ABCB10: variants seen among roughly 807,000 people sequenced by gnomAD.
ABCB10 encodes the protein ATP-binding cassette sub-family B member 10, mitochondrial.
ABCB10 carries 54 observed loss-of-function variants against 65.4 expected under a neutral mutation model. The observed-to-expected ratio is 0.83, with a 90% CI of 0.66 to 1.04. The LOEUF (loss-of-function observed/expected upper bound fraction) is 1.04. Ranked by LOEUF, ABCB10 falls within the 50% of genes least tolerant of loss-of-function variation. The pLI is 0.00. For synonymous variants in ABCB10, 418 were observed against 406.5 expected, an observed-to-expected ratio of 1.03 and a Z score of -0.34; for missense variants, 846 against 976.6, an observed-to-expected ratio of 0.87 and a Z score of 1.78.
At chr1:229,547,791 G>A in intron 2 of ABCB10, 90 bp from the exon 3 acceptor site, 1 of 1,312,166 alleles carries the variant, frequency 7.6e-7, no homozygotes, top group East Asian at 2.3e-5. Context: ...AGCTTGGCCT[G>A]GAGTTGTAAC....
At chr1:229,546,207 T>A (rs903999428) in intron 3 of ABCB10, among the ~76,000 whole-genome samples, 12 of 151,692 alleles carry the variant, frequency 7.9e-5, no homozygotes, top group Non-Finnish European at 1.3e-4. Context: ...GATGATCCAC[T>A]TCCACTTAAT....
rs1412540310 is a variant in ABCB10 at position 229,540,625 on chromosome 1, C to T, written c.1184G>A (p.Arg395Gln). The T allele has an allele frequency of 1.2e-5, 19 of 1,611,246 alleles. No individual in the cohort carries two copies. The highest frequency in any genetic ancestry group is 4.4e-4 in the Middle Eastern group (2 of 4,500). The change falls in exon 5 of 13, where the codon CGG becomes CAG. Residue 395 changes from arginine to glutamine, a missense_variant. Physicochemically the swap from Arg to Gln is conservative, Grantham distance 43 (BLOSUM62 1). Coordinates refer to ENST00000344517, the MANE Select transcript of ABCB10 (RefSeq NM_012089.3). ...MQLARKEAFA[R>Q]AGFFGATGLS... ...ACTTACTGCTCCAAAGAAACCAGCC[C>T]GGGCGAATGCCTCTTTCCTTGCTAA... is the stretch of plus-strand genomic sequence containing the variant.
Position 229,531,008 on chromosome 1 carries a change from G to A in ABCB10, c.1436-600C>T, listed in dbSNP as rs144800365. ...AGGCCTATCACATTGGAGAATATTG[G>A]GCTTTCATTTATGGACCTGGGGCTA... On this transcript the variant is annotated intron_variant, in intron 7 of 12. Transcript: ENST00000344517. Among the ~76,000 whole-genome samples the A allele has an allele frequency of 3.2e-4, 49 of 152,198 alleles. No homozygotes were observed. The East Asian group carries it at 9.3e-3, about 29-fold the overall frequency.
chr1:229,550,810 G>A (rs1305331387), intron 1 of ABCB10, among the ~76,000 whole-genome samples: 1 of 151,562 alleles, frequency 6.6e-6, no homozygotes, highest in African/African-American at 2.4e-5. Flanking sequence ...GTTGCAGTGA[G>A]CCAAGATTGT....
At chr1:229,527,517 T>C (rs1209622865) in intron 8 of ABCB10, among the ~76,000 whole-genome samples, 1 of 152,232 alleles carries the variant, frequency 6.6e-6, no homozygotes, top group Non-Finnish European at 1.5e-5. Context: ...TGTCTCCCGA[T>C]AGTAGCTGGA....
At chr1:229,556,659 C>T (rs1374347373) in intron 1 of ABCB10, among the ~76,000 whole-genome samples, 1 of 152,074 alleles carries the variant, frequency 6.6e-6, no homozygotes, top group East Asian at 1.9e-4. Flanking sequence ...ACGTGTAGGC[C>T]ACCAAAGCCT....
intron 1 of ABCB10, among the ~76,000 whole-genome samples, chr1:229,555,747 G>T (rs1038560183): frequency 2.0e-5 from 3 of 152,074 alleles, no homozygotes; most frequent in Admixed American, 1.3e-4. Context: ...ACACGCAATT[G>T]CTCTTTACCT....
chr1:229,526,025 ACT>A lies in ABCB10; in HGVS notation c.1815_1816del (p.Arg605SerfsTer3). 6.2e-7 allele frequency: 1 copy of A among 1,614,220 alleles called. No individual in the cohort carries two copies. Among genetic ancestry groups the A allele is most frequent in the Non-Finnish European group, 8.5e-7 (1 of 1,180,036 alleles). On this transcript the variant is annotated frameshift_variant, in exon 10 of 13. Transcript: ENST00000344517. LOFTEE classifies it high-confidence loss of function. The stretch of plus-strand genomic sequence containing the variant: ...GGCCACTGCATTGGCCACTTCAGCC[ACT>A]CTCTGGATTTCCTCAGCGGTCACAG...
In ABCB10 at chr1:229,555,533, A is replaced by C. The variant is rs12067825; in HGVS notation, c.517+2603T>G. 9.1e-3 allele frequency among the ~76,000 whole-genome samples: 1,380 copies of C among 152,356 alleles called. 22 individuals carry two copies. Among genetic ancestry groups the C allele is most frequent in the African/African-American group, 0.031 (1,302 of 41,570 alleles). On this transcript the variant is annotated intron_variant, in intron 1 of 12. Transcript: ENST00000344517. ...TATTTCATGGTAGACTGTGTTTTTA[A>C]AGTTTCTGATGCAATCAAAGTTTTC...
chr1:229,552,294 G>C (rs1436495213), intron 1 of ABCB10, among the ~76,000 whole-genome samples: 9 of 152,238 alleles, frequency 5.9e-5, no homozygotes, highest in Admixed American at 3.9e-4. Flanking sequence ...CTTTAGACTT[G>C]CTCCATAAAC....
In ABCB10 at chr1:229,518,871, G is replaced by A. The variant is rs2102798620; in HGVS notation, c.1955C>T (p.Pro652Leu). Residue 652 changes from proline (P) to leucine (L), a missense_variant, in exon 12 of 13, where the codon CCC (proline) becomes CTC (leucine). This residue lies in a region of ABCB10 where 632 missense variants were observed against 803.2 expected (regional missense o/e 0.79). Transcript: ENST00000344517. The stretch of plus-strand genomic sequence containing the variant: ...TGCTTCATCTAGGAGAAGAATTTTG[G>A]GATTCTGAAGAAGGAAAAAAAAGGA... ...IAIARALLKN[P>L]KILLLDEATS... 1 of 1,595,948 alleles carries A rather than the reference G, an allele frequency of 6.3e-7. No individual in the cohort carries two copies. Among genetic ancestry groups the A allele is most frequent in the East Asian group, 2.2e-5 (1 of 44,504 alleles).
At position 229,549,397 on chromosome 1, in the gene ABCB10, G is replaced by A. The variant is rs369137368; in HGVS notation, c.555C>T (p.Ser185=). The A allele has an allele frequency of 9.9e-5, 160 of 1,614,084 alleles. No individual in the cohort carries two copies. The highest frequency in any genetic ancestry group is 1.3e-4 in the Non-Finnish European group (154 of 1,180,042). Residue 185 remains serine, a synonymous_variant, in exon 2 of 13, where the codon TCC becomes TCT. Coordinates refer to ENST00000344517, the MANE Select transcript of ABCB10 (RefSeq NM_012089.3). ...VGFLTMSSVI[S]MSAPFFLGKI... The stretch of plus-strand genomic sequence containing the variant: ...TCCCCAGGAAGAAAGGGGCAGACAT[G>A]GAGATAACACTGGACATCGTGAGAA...
chr1:229,548,002 C>CTT (rs398053891), intron 2 of ABCB10, among the ~76,000 whole-genome samples: 9 of 141,412 alleles, frequency 6.4e-5, no homozygotes, highest in East Asian at 2.1e-4. Context: ...TTTATTTTTA[C>CTT]TTTTTTTTTT....
intron 1 of ABCB10, among the ~76,000 whole-genome samples, chr1:229,554,591 ATAT>A (rs542221136): frequency 1.5e-3 from 221 of 152,284 alleles, no homozygotes; most frequent in African/African-American, 5.1e-3. Flanking sequence ...TATATCCAAA[ATAT>A]TATCCACACA....
intron 3 of ABCB10, among the ~76,000 whole-genome samples, chr1:229,544,682 A>G (rs1195039831): frequency 6.6e-6 from 1 of 152,214 alleles, no homozygotes; most frequent in African/African-American, 2.4e-5. Flanking sequence ...TGAAATTCAC[A>G]TGTTGAAGCC....
chr1:229,549,607 T>C (rs1558128857), intron 1 of ABCB10, among the ~76,000 whole-genome samples, 173 bp from the exon 2 acceptor site: 1 of 152,176 alleles, frequency 6.6e-6, no homozygotes, highest in Non-Finnish European at 1.5e-5. Context: ...AAGAACCAAA[T>C]GGTTCCAGGT....
chr1:229,549,353 T>C lies in ABCB10; in HGVS notation c.599A>G (p.Tyr200Cys). The C allele has an allele frequency of 1.2e-6, 2 of 1,614,076 alleles. No individual in the cohort carries two copies. Among genetic ancestry groups the C allele is most frequent in the Non-Finnish European group, 1.7e-6 (2 of 1,180,028 alleles). The change falls in exon 2 of 13, where the codon TAT becomes TGT. Residue 200 changes from tyrosine to cysteine, a missense_variant. Physicochemically the swap from Tyr to Cys is radical, Grantham distance 194. Around this residue, in one of 2 missense-constraint regions of ABCB10, gnomAD observed 632 missense variants for 803.2 expected, o/e 0.79. Coordinates refer to ENST00000344517, the MANE Select transcript of ABCB10 (RefSeq NM_012089.3). ...GCTGTAGTCCACAGTGGGGTTGGTATAGATGACATCAATGATCTTCCCCAG... is the reference window on the plus strand; with the variant it reads ...GCTGTAGTCCACAGTGGGGTTGGTACAGATGACATCAATGATCTTCCCCAG... Reference protein sequence around the residue: ...FFLGKIIDVIYTNPTVDYSDN... With the variant: ...FFLGKIIDVICTNPTVDYSDN...
chr1:229,537,974 C>T lies in ABCB10; in HGVS notation c.1339+1482G>A, dbSNP rs538302367. Among the ~76,000 whole-genome samples the T allele has an allele frequency of 9.2e-4, 140 of 152,184 alleles. 1 individual carries two copies. The highest frequency in any genetic ancestry group is 1.6e-3 in the Non-Finnish European group (108 of 68,036). ...AAGAACTGGTGGCAACAGATGTACA[C>T]TGACCTACCCATATTTTCTCTTATC... On this transcript the variant is annotated intron_variant, in intron 6 of 12. Coordinates refer to ENST00000344517, the MANE Select transcript of ABCB10 (RefSeq NM_012089.3).
intron 3 of ABCB10, among the ~76,000 whole-genome samples, chr1:229,543,631 CAAGA>C (rs1392993425): frequency 6.6e-6 from 1 of 152,002 alleles, no homozygotes; most frequent in African/African-American, 2.4e-5. Context: ...AGTTTTCATG[CAAGA>C]AAGAAGAGGT....
Sources: allele counts gnomAD v4.1 joint callset (sites outside exome capture counted in the v4.1 genomes callset), GRCh38; gene constraint gnomAD v4.1.1; regional missense constraint gnomAD v4.1.1; transcripts MANE v1.5; gene names NCBI Gene and HGNC (gene_info 2026-07-23, HGNC 2026-07-21).